The following KLF12 variants were observed in gnomAD, a reference collection of about 807,000 sequenced individuals.
The protein encoded by KLF12 is KLF transcription factor 12, also known as Krueppel-like factor 12.
In KLF12, 9 loss-of-function variants were observed where a neutral mutation model predicts 37.8. The ratio of observed to expected loss-of-function variants is 0.24; its 90% CI spans 0.14 to 0.42. The LOEUF (loss-of-function observed/expected upper bound fraction) is 0.42. Among genes scored for constraint, KLF12 ranks in the 10% least tolerant of loss-of-function variants. The pLI is 1.00. For missense variants in KLF12, 411 were observed against 516.0 expected (o/e 0.80, Z 1.97); for synonymous variants, 208 against 202.1 (o/e 1.03, Z -0.25).
intron 1 of KLF12, among the ~76,000 whole-genome samples, chr13:74,067,848 G>C (rs1403625185): frequency 2.0e-5 from 3 of 152,176 alleles, no homozygotes; most frequent in Non-Finnish European, 4.4e-5. Context: ...GGGTATACAG[G>C]AAAGTAGGCA....
At chr13:74,162,627 C>T in the KLF12 span, among the ~76,000 whole-genome samples, 6 of 152,164 alleles carry the variant, frequency 3.9e-5, no homozygotes, top group Non-Finnish European at 7.3e-5. Flanking sequence ...TGCTCTCTTA[C>T]CTCTTGGGAT....
At chr13:73,801,888 C>G (rs747720935) in intron 5 of KLF12, 5 of 152,158 alleles carry the variant, frequency 3.3e-5, no homozygotes, top group Admixed American at 6.5e-5. Context: ...ACTTAAAAAA[C>G]AAAAGTAAAA....
At chr13:74,286,257 G>A in the KLF12 span, among the ~76,000 whole-genome samples, 5 of 152,002 alleles carry the variant, frequency 3.3e-5, no homozygotes, top group South Asian at 2.1e-4. Context: ...TGTATACAAC[G>A]AAAAGTACAG....
chr13:74,120,008 T>G (rs1389183709), intron 1 of KLF12, among the ~76,000 whole-genome samples: 1 of 151,134 alleles, frequency 6.6e-6, no homozygotes, highest in African/African-American at 2.4e-5. Context: ...TTTCAAAAGA[T>G]ATCTTTTCAG....
At chr13:74,270,115 C>T in the KLF12 span, among the ~76,000 whole-genome samples, 10 of 152,218 alleles carry the variant, frequency 6.6e-5, no homozygotes, top group South Asian at 1.7e-3. Flanking sequence ...CTTTGTCCTG[C>T]TTACTAGGGG....
chr13:74,042,466 G>A (rs765269176), intron 1 of KLF12, among the ~76,000 whole-genome samples: 3 of 152,066 alleles, frequency 2.0e-5, no homozygotes, highest in Non-Finnish European at 2.9e-5. Flanking sequence ...TGTTTTTACC[G>A]TAACAAAGAC....
intron 3 of KLF12, among the ~76,000 whole-genome samples, chr13:73,917,056 C>G (rs1888882616): frequency 6.6e-6 from 1 of 152,196 alleles, no homozygotes; most frequent in African/African-American, 2.4e-5. Context: ...TTAAATCAAA[C>G]TTTGCAGCTA....
At chr13:73,849,032 G>C (rs1885176027) in intron 3 of KLF12, among the ~76,000 whole-genome samples, 1 of 152,014 alleles carries the variant, frequency 6.6e-6, no homozygotes, top group Non-Finnish European at 1.5e-5. Flanking sequence ...TATGGTGCAG[G>C]TAAAGTCATC....
At chr13:74,223,504 G>A in the KLF12 span, among the ~76,000 whole-genome samples, 1 of 152,162 alleles carries the variant, frequency 6.6e-6, no homozygotes, top group African/African-American at 2.4e-5. Flanking sequence ...GACAAGTATG[G>A]TAAAGGATAC....
chr13:73,906,091 G>C (rs1264087675), intron 3 of KLF12, among the ~76,000 whole-genome samples: 1 of 151,998 alleles, frequency 6.6e-6, no homozygotes, highest in Non-Finnish European at 1.5e-5. Context: ...TCACCACAAC[G>C]ATTGTGACCA....
At chr13:73,858,288 A>G (rs1045780175) in intron 3 of KLF12, among the ~76,000 whole-genome samples, 1 of 152,220 alleles carries the variant, frequency 6.6e-6, no homozygotes, top group Non-Finnish European at 1.5e-5. Flanking sequence ...TAAAAGCTCA[A>G]TTTGCTAAGT....
chr13:73,793,909 T>C (rs527363802), intron 5 of KLF12, among the ~76,000 whole-genome samples: 20 of 152,288 alleles, frequency 1.3e-4, no homozygotes, highest in Middle Eastern at 3.4e-3. Flanking sequence ...CAACTGGTGG[T>C]CCCAAGAAGT....
chr13:74,257,625 T>C, the KLF12 span: 6 of 152,178 alleles, frequency 3.9e-5, no homozygotes, highest in Non-Finnish European at 1.5e-5. Context: ...ACATGATTTG[T>C]TGGAAATTAA....
the KLF12 span, among the ~76,000 whole-genome samples, chr13:74,296,479 G>T: frequency 1.1e-4 from 17 of 152,106 alleles, no homozygotes; most frequent in Non-Finnish European, 2.4e-4. Flanking sequence ...AGAACTGTCT[G>T]CAATAGTCAC....
chr13:74,114,142 T>C (rs1003252621), intron 1 of KLF12, among the ~76,000 whole-genome samples: 5 of 152,194 alleles, frequency 3.3e-5, no homozygotes, highest in African/African-American at 1.2e-4. Flanking sequence ...AGTTGGAATC[T>C]ACTCCTGGTG....
At chr13:74,091,979 A>G (rs1373724382) in intron 1 of KLF12, among the ~76,000 whole-genome samples, 7 of 145,320 alleles carry the variant, frequency 4.8e-5, no homozygotes, top group African/African-American at 9.7e-5. Flanking sequence ...AAACTGCTCT[A>G]AAACAAAGCA....
chr13:74,022,384 C>CACACACATTA (rs935011723), intron 1 of KLF12, among the ~76,000 whole-genome samples: 1 of 151,532 alleles, frequency 6.6e-6, no homozygotes, highest in African/African-American at 2.4e-5. Flanking sequence ...TATGTCTATA[C>CACACACATTA]ACACACATTA....
At chr13:74,212,039 G>T in the KLF12 span, among the ~76,000 whole-genome samples, 1 of 152,024 alleles carries the variant, frequency 6.6e-6, no homozygotes, top group South Asian at 2.1e-4. Flanking sequence ...ATTTTTCAAA[G>T]TGGAGTGAAA....
intron 1 of KLF12, among the ~76,000 whole-genome samples, chr13:74,012,847 T>C (rs1033510348): frequency 4.6e-5 from 7 of 152,244 alleles, no homozygotes; most frequent in African/African-American, 1.7e-4. Context: ...TCATCATTTT[T>C]TTCATGGAGT....
Sources: allele counts gnomAD v4.1 joint callset (sites outside exome capture counted in the v4.1 genomes callset), GRCh38; gene constraint gnomAD v4.1.1; transcripts MANE v1.5; gene names NCBI Gene and HGNC (gene_info 2026-07-23, HGNC 2026-07-21).